The following WWC2 variants were observed in gnomAD, a reference collection of about 807,000 sequenced individuals.
WWC2 encodes protein WWC2.
A neutral mutation model predicts 138.5 loss-of-function variants in WWC2; 101 were observed. The observed-to-expected ratio is 0.73, with a 90% CI of 0.62 to 0.86. WWC2 has a LOEUF of 0.86. WWC2 is among the 40% of genes least tolerant of loss of function. WWC2 has a pLI of 0.00. For synonymous variants in WWC2, 558 were observed against 538.4 expected, an observed-to-expected ratio of 1.04 and a Z score of -0.50; for missense variants, 1,420 against 1,419.4, an observed-to-expected ratio of 1.00 and a Z score of -0.01.
At chr4:183,171,311 G>A (rs1734271848) in intron 1 of WWC2, among the ~76,000 whole-genome samples, 1 of 152,166 alleles carries the variant, frequency 6.6e-6, no homozygotes. Context: ...ACAATATATT[G>A]ACTGGGATTT....
intron 4 of WWC2, among the ~76,000 whole-genome samples, chr4:183,236,789 G>A (rs889547119): frequency 1.3e-5 from 2 of 152,100 alleles, no homozygotes; most frequent in Admixed American, 6.5e-5. Flanking sequence ...TGTTTTTTCT[G>A]TATCTGTGAA....
chr4:183,254,144 T>A, intron 9 of WWC2, 145 bp downstream of exon 9: 1 of 1,308,200 alleles, frequency 7.6e-7, no homozygotes, highest in Non-Finnish European at 1.0e-6. Context: ...TGTAGAACAA[T>A]AAAGTGCACC....
rs1743091000 is a variant in WWC2 at position 183,099,546 on chromosome 4, G to A, written c.55G>A (p.Ala19Thr). ...QLPLPRGWEEARDYDGKVFYI... is the reference protein window; with the variant it reads ...QLPLPRGWEETRDYDGKVFYI... ...GCCGCTGCCCCGGGGCTGGGAGGAG[G>A]CCAGGGACTACGACGGCAAGGTCTT... Residue 19 changes from alanine (A) to threonine (T), a missense_variant, in exon 1 of 23, where the codon GCC becomes ACC. Ala to Thr is a moderately conservative substitution (Grantham distance 58). Coordinates refer to ENST00000403733, the MANE Select transcript of WWC2 (RefSeq NM_024949.6). 2.1e-6 allele frequency: 3 copies of A among 1,420,414 alleles called. No homozygotes were observed. Among genetic ancestry groups the A allele is most frequent in the Admixed American group, 2.3e-5 (1 of 43,116 alleles). 88.0% of individuals were successfully genotyped at this position (1,420,414 alleles called of 1,614,324 possible).
Position 183,116,355 on chromosome 4 carries a change from A to G in WWC2, c.131+16733A>G, listed in dbSNP as rs548278427. Among the ~76,000 whole-genome samples, 8 of 152,266 alleles carry G rather than the reference A, an allele frequency of 5.3e-5. No homozygotes were observed. The South Asian group carries it at 6.2e-4, about 12-fold the overall frequency. ...AGGTATTGTGTCTGTCTTGTTCACT[A>G]CTGTATTCCAATGCTCAGCTTTGTG... On this transcript the variant is annotated intron_variant, in intron 1 of 22. Transcript: ENST00000403733.
At chr4:183,245,284 G>T in intron 5 of WWC2, 132 bp from the exon 6 acceptor site, 28 of 431,782 alleles carry the variant, frequency 6.5e-5, no homozygotes, top group Middle Eastern at 8.3e-4. Flanking sequence ...CTGAAAAGAT[G>T]ATTGCTGGTA....
At chr4:183,118,848 T>C (rs1432196081) in intron 1 of WWC2, among the ~76,000 whole-genome samples, 1 of 152,172 alleles carries the variant, frequency 6.6e-6, no homozygotes, top group Non-Finnish European at 1.5e-5. Flanking sequence ...GGGTTTACTA[T>C]TGTGACCAAA....
intron 1 of WWC2, among the ~76,000 whole-genome samples, chr4:183,138,441 A>G (rs953731460): frequency 3.8e-4 from 58 of 152,180 alleles, no homozygotes; most frequent in African/African-American, 1.4e-3. Context: ...CTGCAGACCA[A>G]GTCTGGCCTG....
intron 22 of WWC2, among the ~76,000 whole-genome samples, chr4:183,315,076 C>A (rs540060817): frequency 1.3e-5 from 2 of 152,318 alleles, no homozygotes; most frequent in African/African-American, 4.8e-5. Context: ...GGGAAATAGA[C>A]GCACTGTTTG....
chr4:183,294,243 T>C (rs1009633275), intron 21 of WWC2, among the ~76,000 whole-genome samples: 9 of 152,110 alleles, frequency 5.9e-5, no homozygotes, highest in African/African-American at 2.2e-4. Context: ...CTTTCTAAAA[T>C]GTACCATAGA....
chr4:183,130,276 T>A (rs548691221), intron 1 of WWC2, among the ~76,000 whole-genome samples: 2 of 152,208 alleles, frequency 1.3e-5, no homozygotes, highest in East Asian at 1.9e-4. Context: ...ATGGTCTTGA[T>A]CTCCTGACCT....
chr4:183,177,740 T>C (rs1250438461), intron 1 of WWC2, among the ~76,000 whole-genome samples: 2 of 152,236 alleles, frequency 1.3e-5, no homozygotes, highest in Non-Finnish European at 2.9e-5. Flanking sequence ...ATGTTAAGCA[T>C]GCTTTCCAGC....
At chr4:183,230,924 T>G (rs916157921) in intron 4 of WWC2, among the ~76,000 whole-genome samples, 2 of 152,164 alleles carry the variant, frequency 1.3e-5, no homozygotes, top group African/African-American at 4.8e-5. Flanking sequence ...TATTGAAATA[T>G]TATTAACCAA....
At chr4:183,126,148 C>T (rs1732750265) in intron 1 of WWC2, among the ~76,000 whole-genome samples, 1 of 152,230 alleles carries the variant, frequency 6.6e-6, no homozygotes, top group African/African-American at 2.4e-5. Context: ...TGCAGACTCT[C>T]TCTGAGCCTG....
chr4:183,235,661 C>G (rs1397943), intron 4 of WWC2, among the ~76,000 whole-genome samples: 1 of 152,170 alleles, frequency 6.6e-6, no homozygotes. Context: ...CATATTGCAG[C>G]CTTTCCTTCT....
At chr4:183,124,242 G>T (rs1167812949) in intron 1 of WWC2, among the ~76,000 whole-genome samples, 1 of 152,154 alleles carries the variant, frequency 6.6e-6, no homozygotes, top group African/African-American at 2.4e-5. Context: ...TTCCTGGAAA[G>T]AAATCTTCAG....
At chr4:183,174,809 CTG>C (rs1490618403) in intron 1 of WWC2, among the ~76,000 whole-genome samples, 2 of 152,016 alleles carry the variant, frequency 1.3e-5, no homozygotes, top group Non-Finnish European at 2.9e-5. Context: ...CTCTCTCTCT[CTG>C]TCTCTCTCTC....
intron 14 of WWC2, among the ~76,000 whole-genome samples, chr4:183,268,255 T>C (rs776771237): frequency 2.0e-5 from 3 of 152,200 alleles, no homozygotes; most frequent in South Asian, 2.1e-4. Context: ...GGAAGTTACC[T>C]CACGCTCTTT....
chr4:183,306,953 C>T (rs1739043237), intron 21 of WWC2, among the ~76,000 whole-genome samples: 1 of 146,488 alleles, frequency 6.8e-6, no homozygotes, highest in Non-Finnish European at 1.5e-5. Flanking sequence ...TAAACAGACC[C>T]AGCAGGCAGA....
rs1486786439 is a variant in WWC2, at chr4:183,286,188, C to T, written c.3141+129C>T. On this transcript the variant is annotated intron_variant, in intron 20 of 22. Coordinates refer to ENST00000403733, the MANE Select transcript of WWC2 (RefSeq NM_024949.6). ...GCGCTTGGCCTACTGAATGCAGCCA[C>T]TGGGATACACAGAGACGCAGATGCC... 4 of 831,830 alleles carry T rather than the reference C, an allele frequency of 4.8e-6. No homozygotes were observed. The East Asian group carries it at 8.3e-5, about 17-fold the overall frequency. The allele number at this position is 831,830 out of a possible 1,614,324, so 51.5% of individuals were successfully genotyped here.
Sources: gnomAD v4.1 joint callset for allele counts (sites outside exome capture counted in the v4.1 genomes callset) on GRCh38, gnomAD v4.1.1 for gene constraint, MANE v1.5 for transcripts, NCBI Gene and HGNC (gene_info 2026-07-23, HGNC 2026-07-21) for gene names.